UNC79: variants seen among roughly 807,000 people sequenced by gnomAD.
UNC79 encodes protein unc-79 homolog.
A neutral mutation model predicts 283.1 loss-of-function variants in UNC79; 37 were observed. The observed-to-expected ratio is 0.13, with a 90% CI of 0.10 to 0.17. The LOEUF (loss-of-function observed/expected upper bound fraction) is 0.17. Ranked by LOEUF, UNC79 falls within the 10% of genes least tolerant of loss-of-function variation. UNC79 has a pLI of 1.00. For synonymous variants in UNC79, 1,107 were observed against 1,200.2 expected (o/e 0.92, Z 1.61); for missense variants, 2,272 against 3,211.1 (o/e 0.71, Z 7.07).
chr14:93,464,918 C>T (rs1388867483), intron 1 of UNC79, among the ~76,000 whole-genome samples: 1 of 152,170 alleles, frequency 6.6e-6, no homozygotes, highest in Non-Finnish European at 1.5e-5. Flanking sequence ...GGCACAAGTA[C>T]AAATTACTAT....
intron 27 of UNC79, among the ~76,000 whole-genome samples, chr14:93,615,332 G>C (rs376375290): frequency 1.1e-4 from 16 of 152,160 alleles, no homozygotes; most frequent in Admixed American, 4.6e-4. Flanking sequence ...ATGGATCACC[G>C]CTTTTTCTCA....
chr14:93,565,927 G>A (rs967901513), intron 14 of UNC79, among the ~76,000 whole-genome samples: 3 of 152,312 alleles, frequency 2.0e-5, no homozygotes, highest in African/African-American at 7.2e-5. Flanking sequence ...CTATTCGGTT[G>A]GAGCTGATGA....
At chr14:93,579,580 A>G (rs903490750) in intron 18 of UNC79, among the ~76,000 whole-genome samples, 3 of 151,998 alleles carry the variant, frequency 2.0e-5, no homozygotes, top group Admixed American at 1.3e-4. Flanking sequence ...ATGATTCTGT[A>G]TTTTGATGCT....
chr14:93,486,681 AAG>A (rs2058460219), intron 4 of UNC79, among the ~76,000 whole-genome samples: 4 of 151,788 alleles, frequency 2.6e-5, no homozygotes, highest in Non-Finnish European at 5.9e-5. Context: ...AAAAAAAAGA[AAG>A]AAAGTCCTCT....
intron 1 of UNC79, among the ~76,000 whole-genome samples, chr14:93,369,708 G>T (rs1229514259): frequency 6.6e-6 from 1 of 152,182 alleles, no homozygotes; most frequent in East Asian, 1.9e-4. Flanking sequence ...GTTAGCCACG[G>T]TAAGTATCAG....
At chr14:93,634,231 A>G (rs1294945385) in intron 31 of UNC79, among the ~76,000 whole-genome samples, 3 of 152,218 alleles carry the variant, frequency 2.0e-5, no homozygotes, top group Non-Finnish European at 2.9e-5. Context: ...GGCAGAGTAT[A>G]TAATTTTAAA....
intron 27 of UNC79, among the ~76,000 whole-genome samples, chr14:93,615,096 A>G (rs1366773742): frequency 6.6e-6 from 1 of 152,156 alleles, no homozygotes; most frequent in South Asian, 2.1e-4. Flanking sequence ...GCTAGGGCTT[A>G]GGCACTCTCT....
intron 2 of UNC79, 63 bp downstream of exon 2, chr14:93,467,854 G>T (rs1397376846): frequency 7.0e-7 from 1 of 1,429,688 alleles, no homozygotes; most frequent in African/African-American, 1.5e-5. Flanking sequence ...AATTTATTGG[G>T]ATCTAAATTT....
At position 93,621,619 on chromosome 14, in the gene UNC79, A is replaced by G; in HGVS notation, c.4388-2A>G. 6.5e-7 allele frequency: 1 copy of G among 1,536,792 alleles called. No individual in the cohort carries two copies. The highest frequency in any genetic ancestry group is 8.7e-7 in the Non-Finnish European group (1 of 1,145,996). ...AGTACTAGCTTTTTCTGTTTTGATC[A>G]GGTGAAATAGAACTGGCTGAATATA... On this transcript the variant is annotated splice_acceptor_variant, in intron 29 of 48. Coordinates refer to ENST00000555664, the Ensembl canonical transcript of UNC79. LOFTEE classifies it high-confidence loss of function. The surrounding 1 kb of genome is among the most constrained non-coding windows in gnomAD (Gnocchi z 4.8).
chr14:93,611,074 A>T (rs911864436), intron 26 of UNC79, among the ~76,000 whole-genome samples: 1 of 152,212 alleles, frequency 6.6e-6, no homozygotes, highest in African/African-American at 2.4e-5. Context: ...GGTGTTCCAC[A>T]TACATTGATT....
chr14:93,542,956 A>T (rs1567083050), intron 14 of UNC79, among the ~76,000 whole-genome samples: 2 of 145,348 alleles, frequency 1.4e-5, no homozygotes, highest in Non-Finnish European at 3.0e-5. Flanking sequence ...GACATTGCTG[A>T]TTTTTTTTTT....
chr14:93,641,426 G>A (rs1203361547), intron 33 of UNC79, among the ~76,000 whole-genome samples, 179 bp downstream of exon 36: 1 of 152,158 alleles, frequency 6.6e-6, no homozygotes, highest in African/African-American at 2.4e-5. Flanking sequence ...ACCAAAGCGG[G>A]TGGATTGCTT....
intron 26 of UNC79, among the ~76,000 whole-genome samples, chr14:93,605,559 A>G (rs2065822140): frequency 6.6e-6 from 1 of 152,208 alleles, no homozygotes; most frequent in Non-Finnish European, 1.5e-5. Context: ...TTCCACATGA[A>G]TGGTGCCGTG....
intron 5 of UNC79, among the ~76,000 whole-genome samples, chr14:93,488,455 A>G (rs937454976): frequency 1.3e-5 from 2 of 150,286 alleles, no homozygotes; most frequent in Admixed American, 1.3e-4. Context: ...TTTTATTTTC[A>G]TTTAGTGTTT....
intron 42 of UNC79, 24 bp downstream of exon 45, chr14:93,682,718 T>C: frequency 6.2e-7 from 1 of 1,603,574 alleles, no homozygotes. Flanking sequence ...AAATTCATTG[T>C]CTACATACTT....
intron 40 of UNC79, among the ~76,000 whole-genome samples, chr14:93,667,698 A>G (rs182308167): frequency 4.6e-5 from 7 of 152,346 alleles, no homozygotes; most frequent in Non-Finnish European, 2.9e-5. Flanking sequence ...GGCCAGTAGA[A>G]TTTTGATATC....
intron 7 of UNC79, among the ~76,000 whole-genome samples, chr14:93,523,105 A>T (rs2060397938): frequency 1.3e-5 from 2 of 152,202 alleles, no homozygotes; most frequent in African/African-American, 4.8e-5. Context: ...TCCTACTTTC[A>T]AGCATATAAA....
chr14:93,549,845 C>A (rs978961929), intron 14 of UNC79, among the ~76,000 whole-genome samples: 3 of 152,224 alleles, frequency 2.0e-5, no homozygotes, highest in Admixed American at 6.5e-5. Context: ...TTTATACATG[C>A]AGCTAGGTTA....
chr14:93,541,106 T>A (rs1402569797), intron 13 of UNC79, among the ~76,000 whole-genome samples: 1 of 152,212 alleles, frequency 6.6e-6, no homozygotes, highest in Non-Finnish European at 1.5e-5. Flanking sequence ...GAGCCAGGTG[T>A]TAAACCTACA....
Sources: allele counts gnomAD v4.1 joint callset (sites outside exome capture counted in the v4.1 genomes callset), GRCh38; gene constraint gnomAD v4.1.1; non-coding constraint Gnocchi (gnomAD v3.1); transcripts MANE v1.5; gene names NCBI Gene and HGNC (gene_info 2026-07-23, HGNC 2026-07-21).